GAPDH: variants seen among roughly 807,000 people sequenced by gnomAD.
GAPDH encodes OCAS, p38 component.
In GAPDH, 13 loss-of-function variants were observed where a neutral mutation model predicts 31.2. The observed-to-expected ratio is 0.42, with a 90% CI of 0.27 to 0.66. GAPDH has a LOEUF of 0.66. Ranked by LOEUF, GAPDH falls within the 30% of genes least tolerant of loss-of-function variation. GAPDH has a pLI of 0.26. For missense variants in GAPDH, 300 were observed against 443.7 expected, an observed-to-expected ratio of 0.68 and a Z score of 2.91; for synonymous variants, 211 against 166.9, an observed-to-expected ratio of 1.26 and a Z score of -2.04.
rs1231671579 is a variant in GAPDH, at chr12:6,536,693, T to C, written c.139T>C (p.Phe47Leu). 2 of 1,613,618 alleles carry C rather than the reference T, an allele frequency of 1.2e-6. No individual in the cohort carries two copies. Among genetic ancestry groups the C allele is most frequent in the Non-Finnish European group, 1.7e-6 (2 of 1,179,652 alleles). The change falls in exon 4 of 9, where the codon TTC becomes CTC. Residue 47 changes from phenylalanine (F) to leucine (L), a missense_variant. Transcript: ENST00000229239. ...TCACGTATTCCCCCAGGTTTACATG[T>C]TCCAATATGATTCCACCCATGGCAA... ...FIDLNYMVYMFQYDSTHGKFH... is the reference protein window; with the variant it reads ...FIDLNYMVYMLQYDSTHGKFH...
chr12:6,535,016 C>T (rs1161067087), intron 2 of GAPDH, 155 bp downstream of exon 2: 5 of 938,958 alleles, frequency 5.3e-6, no homozygotes, highest in Non-Finnish European at 7.9e-6. Flanking sequence ...CTGGCGGAGC[C>T]CCGCACCCAG....
rs778882839 is a variant in GAPDH, at chr12:6,536,667, C to T, written c.130-17C>T. Reference sequence around the variant, plus strand: ...GGCTGATGGGCAGCCCCTTCATACCCTCACGTATTCCCCCAGGTTTACATG... The same window carrying T: ...GGCTGATGGGCAGCCCCTTCATACCTTCACGTATTCCCCCAGGTTTACATG... On this transcript the variant is annotated splice_polypyrimidine_tract_variant and intron_variant, in intron 3 of 8. Transcript: ENST00000229239. The T allele has an allele frequency of 3.7e-6, 6 of 1,608,202 alleles. No individual in the cohort carries two copies. Among genetic ancestry groups the T allele is most frequent in the South Asian group, 3.3e-5 (3 of 90,784 alleles).
Position 6,538,280 on chromosome 12 carries a change from C to CA in GAPDH, c.*111dup. On this transcript the variant is annotated 3_prime_UTR_variant, in exon 9 of 9. Transcript: ENST00000229239. ...CCCACCACACTGAATCTCCCCTCCTCACAGTTGCCATGTAGACCCCTTGAA... is the reference window on the plus strand; with the variant it reads ...CCCACCACACTGAATCTCCCCTCCTCAACAGTTGCCATGTAGACCCCTTGAA... The CA allele has an allele frequency of 1.1e-6, 1 of 908,870 alleles. No homozygotes were observed. The highest frequency in any genetic ancestry group is 1.8e-6 in the Non-Finnish European group (1 of 569,520). The allele number at this position is 908,870 out of a possible 1,614,324, so 56.3% of individuals were successfully genotyped here.
chr12:6,534,714 C>T lies in GAPDH; in HGVS notation c.-23-96C>T, dbSNP rs45497495. ...GGGGCGGGCGGAGGACGTGATGCGG[C>T]GCGGGCTGGGCATGGAGGCCTGGTG... On this transcript the variant is annotated intron_variant, in intron 1 of 8. Transcript: ENST00000229239. The T allele has an allele frequency of 0.01, 10,903 of 1,082,348 alleles. 431 individuals carry two copies. In the African/African-American group the frequency reaches 0.11, roughly 11 times the overall value. 67.0% of individuals were successfully genotyped at this position (1,082,348 alleles called of 1,614,324 possible).
At chr12:6,534,970 T>C in intron 2 of GAPDH, 109 bp downstream of exon 2, 1 of 1,253,838 alleles carries the variant, frequency 8.0e-7, no homozygotes, top group Non-Finnish European at 1.1e-6. Flanking sequence ...AGGGTAGCTG[T>C]TCCCCGCAAG....
At chr12:6,535,796 A>G (rs1946450501) in intron 2 of GAPDH, among the ~76,000 whole-genome samples, 1 of 151,922 alleles carries the variant, frequency 6.6e-6, no homozygotes, top group Non-Finnish European at 1.5e-5. Context: ...CTCCCACCGC[A>G]CCCTGGTCTG....
rs761672440 is a variant in GAPDH at position 6,534,884 on chromosome 12, G to C, written c.29+23G>C. 11 of 1,611,312 alleles carry C rather than the reference G, an allele frequency of 6.8e-6. No homozygotes were observed. The Admixed American group carries it at 1.8e-4, about 27-fold the overall frequency. ...CGGGTGAGTTCGCGGGTGGCTGGGG[G>C]GCCCTGGGCTGCGACCGCCCCCGAA... On this transcript the variant is annotated intron_variant, in intron 2 of 8. Coordinates refer to ENST00000229239, the MANE Select transcript of GAPDH (RefSeq NM_002046.7).
Position 6,537,205 on chromosome 12 carries a change from C to T in GAPDH, c.432C>T (p.Leu144=), listed in dbSNP as rs1283284118. Residue 144 remains leucine, a synonymous_variant, in exon 6 of 9, where the codon CTC becomes CTT. Transcript: ENST00000229239. The surrounding 1 kb of genome is among the most constrained non-coding windows in gnomAD (Gnocchi z 4.9). ...GVNHEKYDNS[L]KIISNASCTT... is the part of the protein sequence containing the mutation. The stretch of plus-strand genomic sequence containing the variant: ...ACCATGAGAAGTATGACAACAGCCT[C>T]AAGATCATCAGGTGAGGAAGGCAGG... 6.2e-7 allele frequency: 1 copy of T among 1,612,256 alleles called. No homozygotes were observed. Among genetic ancestry groups the T allele is most frequent in the Admixed American group, 1.7e-5 (1 of 60,022 alleles).
chr12:6,537,256 C>G lies in GAPDH; in HGVS notation c.443+40C>G. ...GCCCGTGGAGAAGCGGCCAGCCTGG[C>G]ACCCTATGGACACGCTCCCCTGACT... On this transcript the variant is annotated intron_variant, in intron 6 of 8. Coordinates refer to ENST00000229239, the MANE Select transcript of GAPDH (RefSeq NM_002046.7). This position sits in a 1 kb window ranked among gnomAD's most constrained non-coding sequence, Gnocchi z 4.9. The G allele has an allele frequency of 6.3e-7, 1 of 1,596,252 alleles. No homozygotes were observed. The highest frequency in any genetic ancestry group is 8.5e-7 in the Non-Finnish European group (1 of 1,175,240).
chr12:6,534,677 C>A, intron 1 of GAPDH, 108 bp downstream of exon 1: 2 of 831,678 alleles, frequency 2.4e-6, no homozygotes. Flanking sequence ...CCCGGGCGGC[C>A]TCCGCATTGC....
intron 2 of GAPDH, chr12:6,535,254 G>C (rs997905847): frequency 2.9e-6 from 3 of 1,052,148 alleles, no homozygotes; most frequent in Admixed American, 5.1e-5. Context: ...TGCGCAGCGG[G>C]TGCATCCCTG....
At position 6,536,709 on chromosome 12, in the gene GAPDH, C is replaced by G; in HGVS notation, c.155C>G (p.Thr52Ser). 1 of 1,613,796 alleles carries G rather than the reference C, an allele frequency of 6.2e-7. No individual in the cohort carries two copies. Among genetic ancestry groups the G allele is most frequent in the Non-Finnish European group, 8.5e-7 (1 of 1,179,788 alleles). ...GTTTACATGTTCCAATATGATTCCACCCATGGCAAATTCCATGGCACCGTC... is the reference window on the plus strand; with the variant it reads ...GTTTACATGTTCCAATATGATTCCAGCCATGGCAAATTCCATGGCACCGTC... ...YMVYMFQYDSTHGKFHGTVKA... is the reference protein window; with the variant it reads ...YMVYMFQYDSSHGKFHGTVKA... The change falls in exon 4 of 9, where the codon ACC becomes AGC. Residue 52 changes from threonine to serine, a missense_variant. Thr to Ser is a moderately conservative substitution (Grantham distance 58). Transcript: ENST00000229239.
chr12:6,535,236 G>GA, intron 2 of GAPDH: 1 of 1,083,554 alleles, frequency 9.2e-7, no homozygotes, highest in East Asian at 6.4e-5. Context: ...CAGGCCCCGG[G>GA]ATGCTAGTGC....
chr12:6,535,979 A>C (rs1194135831), intron 2 of GAPDH, among the ~76,000 whole-genome samples: 1 of 152,164 alleles, frequency 6.6e-6, no homozygotes, highest in Non-Finnish European at 1.5e-5. Flanking sequence ...AGGGGGTTAA[A>C]ATACAGCTTC....
chr12:6,536,169 CTGGGGTGGCATAG>C (rs1321568022), intron 2 of GAPDH, among the ~76,000 whole-genome samples: 2 of 152,180 alleles, frequency 1.3e-5, no homozygotes, highest in African/African-American at 2.4e-5. Flanking sequence ...GCAAGCATTC[CTGGGGTGGCATAG>C]TGGGGTGGTG....
intron 4 of GAPDH, 40 bp downstream of exon 4, chr12:6,536,830 G>C: frequency 6.3e-7 from 1 of 1,594,462 alleles, no homozygotes. Flanking sequence ...GCTTTGGGGA[G>C]GCAACTAGGA....
rs1170960018 is a variant in GAPDH at position 6,537,361 on chromosome 12, G to A, written c.496G>A (p.Asp166Asn). 4 of 1,609,570 alleles carry A rather than the reference G, an allele frequency of 2.5e-6. No individual in the cohort carries two copies. The highest frequency in any genetic ancestry group is 3.4e-6 in the Non-Finnish European group (4 of 1,179,962). Residue 166 changes from aspartate to asparagine, a missense_variant, in exon 7 of 9, where the codon GAC becomes AAC. Physicochemically the swap from Asp to Asn is conservative, Grantham distance 23. Transcript: ENST00000229239. This position sits in a 1 kb window ranked among gnomAD's most constrained non-coding sequence, Gnocchi z 4.9. ...AGCACCCCTGGCCAAGGTCATCCAT[G>A]ACAACTTTGGTATCGTGGAAGGACT... is the stretch of plus-strand genomic sequence containing the variant. ...CLAPLAKVIH[D>N]NFGIVEGLMT...
chr12:6,536,355 G>A (rs527323692), intron 2 of GAPDH, 139 bp from the exon 3 acceptor site: 3 of 671,594 alleles, frequency 4.5e-6, no homozygotes, highest in Admixed American at 2.4e-5. Context: ...GCTCAAGGGA[G>A]ATAAAATTCA....
intron 2 of GAPDH, chr12:6,535,087 T>C: frequency 2.6e-6 from 2 of 771,890 alleles, no homozygotes; most frequent in South Asian, 2.1e-5. Context: ...CTCCTTCCCC[T>C]AGTCCCCAGA....
Sources: allele counts gnomAD v4.1 joint callset (sites outside exome capture counted in the v4.1 genomes callset), GRCh38; gene constraint gnomAD v4.1.1; non-coding constraint Gnocchi (gnomAD v3.1); transcripts MANE v1.5; gene names NCBI Gene and HGNC (gene_info 2026-07-23, HGNC 2026-07-21).